Variants in NFKB1 observed in about 807,000 individuals in gnomAD.
NFKB1 encodes the protein nuclear factor NF-kappa-B p105 subunit.
In NFKB1, 9 loss-of-function variants were observed where a neutral mutation model predicts 105.1. That is an observed-to-expected ratio of 0.09 (90% CI 0.05 to 0.15). The LOEUF is 0.15. NFKB1 is among the 10% of genes least tolerant of loss of function. The pLI is 1.00. For missense variants in NFKB1, 830 were observed against 1,203.7 expected, an observed-to-expected ratio of 0.69 and a Z score of 4.59; for synonymous variants, 440 against 442.2, an observed-to-expected ratio of 1.00 and a Z score of 0.06.
intron 11 of NFKB1, among the ~76,000 whole-genome samples, chr4:102,591,412 C>T (rs1726159446): frequency 7.9e-6 from 1 of 127,280 alleles, no homozygotes; most frequent in African/African-American, 2.8e-5. Context: ...AGAGTGAGAC[C>T]CTGGCTCAAA....
At chr4:102,526,140 A>G (rs1214419460) in intron 2 of NFKB1, among the ~76,000 whole-genome samples, 1 of 152,172 alleles carries the variant, frequency 6.6e-6, no homozygotes, top group Non-Finnish European at 1.5e-5. Context: ...CTTATCCAAT[A>G]TGACTTCATC....
intron 5 of NFKB1, among the ~76,000 whole-genome samples, chr4:102,554,273 C>T (rs990089879): frequency 1.3e-5 from 2 of 152,144 alleles, no homozygotes; most frequent in Admixed American, 1.3e-4. Context: ...TGAAAATTTG[C>T]AGACTTCAGG....
intron 18 of NFKB1, 108 bp from the exon 19 acceptor site, chr4:102,607,541 A>G: frequency 8.1e-7 from 1 of 1,234,232 alleles, no homozygotes; most frequent in Non-Finnish European, 1.2e-6. Context: ...AGCCCAAAGT[A>G]GCAATTGGGC....
chr4:102,566,448 C>A (rs1723876718), intron 5 of NFKB1, among the ~76,000 whole-genome samples: 1 of 152,138 alleles, frequency 6.6e-6, no homozygotes, highest in Admixed American at 6.5e-5. Flanking sequence ...GAGGCCAAGT[C>A]CTCAGGCTTG....
intron 1 of NFKB1, among the ~76,000 whole-genome samples, chr4:102,505,677 C>A (rs772806359): frequency 6.6e-6 from 1 of 151,860 alleles, no homozygotes; most frequent in Non-Finnish European, 1.5e-5. Flanking sequence ...AGAATTTATT[C>A]TTTAAAATAG....
intron 3 of NFKB1, among the ~76,000 whole-genome samples, chr4:102,530,607 T>A (rs1276865607): frequency 6.6e-6 from 1 of 152,202 alleles, no homozygotes; most frequent in Non-Finnish European, 1.5e-5. Context: ...AAAAGCAGTG[T>A]GAGTGAATTA....
intron 23 of NFKB1, 21 bp from the exon 24 acceptor site, chr4:102,616,413 A>G: frequency 6.2e-7 from 1 of 1,612,334 alleles, no homozygotes; most frequent in Non-Finnish European, 8.5e-7. Context: ...CCCCCAGTGA[A>G]TTTGTGCTTT....
At chr4:102,615,794 A>G (rs1367974075) in intron 23 of NFKB1, among the ~76,000 whole-genome samples, 1 of 152,224 alleles carries the variant, frequency 6.6e-6, no homozygotes, top group Non-Finnish European at 1.5e-5. Flanking sequence ...TTTGGTACAT[A>G]AGAAGATAGC....
intron 5 of NFKB1, among the ~76,000 whole-genome samples, chr4:102,544,369 T>C (rs1481770994): frequency 6.6e-6 from 1 of 152,198 alleles, no homozygotes; most frequent in Non-Finnish European, 1.5e-5. Context: ...CCTTCAGTTT[T>C]CCAGTAGGTG....
chr4:102,509,095 G>T (rs761188831), intron 1 of NFKB1, among the ~76,000 whole-genome samples: 1 of 152,078 alleles, frequency 6.6e-6, no homozygotes, highest in African/African-American at 2.4e-5. Flanking sequence ...AGTCAGTTGC[G>T]ATCAAGCAAA....
At chr4:102,600,850 T>C in intron 15 of NFKB1, 45 bp from the exon 16 acceptor site, 1 of 1,117,288 alleles carries the variant, frequency 9.0e-7, no homozygotes, top group South Asian at 1.3e-5. Flanking sequence ...CTTTTCTTTT[T>C]CATTAACATT....
chr4:102,582,669 T>C (rs1308369091), intron 9 of NFKB1, among the ~76,000 whole-genome samples, 197 bp from the exon 10 acceptor site: 1 of 152,122 alleles, frequency 6.6e-6, no homozygotes, highest in Non-Finnish European at 1.5e-5. Context: ...GAATGAAAGT[T>C]GGGGCGCATT....
chr4:102,588,833 A>G (rs1725937679), intron 11 of NFKB1, among the ~76,000 whole-genome samples: 1 of 152,228 alleles, frequency 6.6e-6, no homozygotes, highest in Non-Finnish European at 1.5e-5. Flanking sequence ...GTGACCTCAG[A>G]TAAGTCACCT....
chr4:102,576,780 ATT>A, intron 6 of NFKB1, 94 bp from the exon 7 acceptor site: 1 of 1,253,320 alleles, frequency 8.0e-7, no homozygotes, highest in Non-Finnish European at 1.1e-6. Flanking sequence ...GGGCCTGTGT[ATT>A]TTTTTTTAAT....
intron 23 of NFKB1, among the ~76,000 whole-genome samples, chr4:102,614,103 C>A (rs1031770345): frequency 6.6e-6 from 1 of 152,074 alleles, no homozygotes; most frequent in African/African-American, 2.4e-5. Flanking sequence ...ATTTCTAAAC[C>A]CCCAACACTC....
intron 1 of NFKB1, among the ~76,000 whole-genome samples, chr4:102,511,492 T>C (rs1243085022): frequency 6.6e-6 from 1 of 151,940 alleles, no homozygotes; most frequent in Non-Finnish European, 1.5e-5. Context: ...ATGGACAAAA[T>C]AGCGAGACCC....
Position 102,593,914 on chromosome 4 carries a change from C to T in NFKB1, c.1210+346C>T, listed in dbSNP as rs371874033. Among the ~76,000 whole-genome samples, 16 of 152,030 alleles carry T rather than the reference C, an allele frequency of 1.1e-4. No individual in the cohort carries two copies. The East Asian group carries it at 3.1e-3, about 29-fold the overall frequency. On this transcript the variant is annotated intron_variant, in intron 12 of 23. Transcript: ENST00000226574. ...GAAAAGATTGTATATTATCATACTA[C>T]AATATAGCTATATATTAAACATCTC...
chr4:102,577,549 C>G (rs569997961), intron 7 of NFKB1, among the ~76,000 whole-genome samples: 2 of 152,220 alleles, frequency 1.3e-5, no homozygotes, highest in African/African-American at 4.8e-5. Context: ...TTTCCATTTT[C>G]TTGCCTTTTC....
intron 3 of NFKB1, among the ~76,000 whole-genome samples, chr4:102,530,940 T>A (rs939237198): frequency 6.6e-6 from 1 of 152,202 alleles, no homozygotes; most frequent in African/African-American, 2.4e-5. Context: ...GGCTGCCATG[T>A]CTGAGATCTT....
Sources: allele counts gnomAD v4.1 joint callset (sites outside exome capture counted in the v4.1 genomes callset), GRCh38; gene constraint gnomAD v4.1.1; transcripts MANE v1.5; gene names NCBI Gene and HGNC (gene_info 2026-07-23, HGNC 2026-07-21).